Variants in FAM185A observed in about 807,000 individuals in gnomAD.
FAM185A encodes the protein protein FAM185A.
A neutral mutation model predicts 45.7 loss-of-function variants in FAM185A; 21 were observed. The observed-to-expected ratio is 0.46, with a 90% CI of 0.33 to 0.66. The LOEUF (loss-of-function observed/expected upper bound fraction) is 0.66, where lower values mean the gene tolerates loss of function less well. Ranked by LOEUF, FAM185A falls within the 30% of genes least tolerant of loss-of-function variation. The pLI, the probability that FAM185A is intolerant of heterozygous loss-of-function variation, is 0.03. For synonymous variants in FAM185A, 117 were observed against 194.0 expected, an observed-to-expected ratio of 0.60 and a Z score of 3.30; for missense variants, 305 against 485.4, an observed-to-expected ratio of 0.63 and a Z score of 3.49.
At chr7:102,840,200 A>G in the FAM185A span, among the ~76,000 whole-genome samples, 1 of 152,250 alleles carries the variant, frequency 6.6e-6, no homozygotes. Flanking sequence ...GACCAAAACA[A>G]AATGTCTTTG....
the FAM185A span, among the ~76,000 whole-genome samples, chr7:102,818,534 T>A: frequency 6.6e-6 from 1 of 152,188 alleles, no homozygotes; most frequent in African/African-American, 2.4e-5. Context: ...GCTTGAACCT[T>A]TCCATGAGCT....
chr7:102,770,028 A>C (rs914143659), intron 4 of FAM185A, among the ~76,000 whole-genome samples: 1 of 152,184 alleles, frequency 6.6e-6, no homozygotes, highest in Non-Finnish European at 1.5e-5. Flanking sequence ...GGAACGTTCA[A>C]ACCACAACAA....
chr7:102,755,866 G>C, intron 2 of FAM185A: 2 of 656,032 alleles, frequency 3.0e-6, no homozygotes, highest in Non-Finnish European at 2.7e-6. Context: ...AATGTCCTGG[G>C]TCCCAAGTCT....
At chr7:102,767,533 A>G (rs1794486086) in intron 4 of FAM185A, among the ~76,000 whole-genome samples, 1 of 151,362 alleles carries the variant, frequency 6.6e-6, no homozygotes, top group Non-Finnish European at 1.5e-5. Context: ...ATGTCTCTAT[A>G]TTCCTTCTCT....
intron 6 of FAM185A, among the ~76,000 whole-genome samples, chr7:102,780,537 A>AT (rs996321764): frequency 6.6e-6 from 1 of 152,124 alleles, no homozygotes; most frequent in African/African-American, 2.4e-5. Flanking sequence ...TTCTATTGTT[A>AT]TTTTTTGTTA....
intron 2 of FAM185A, among the ~76,000 whole-genome samples, chr7:102,757,484 G>A (rs796720207): frequency 6.6e-6 from 1 of 152,144 alleles, no homozygotes; most frequent in South Asian, 2.1e-4. Context: ...TGCCAAATAA[G>A]TGATAACTAT....
chr7:102,814,952 G>T, the FAM185A span, among the ~76,000 whole-genome samples: 1 of 152,040 alleles, frequency 6.6e-6, no homozygotes, highest in Admixed American at 6.6e-5. Context: ...TTCTCCTAAT[G>T]ATATTTCTCC....
At chr7:102,822,535 A>G in the FAM185A span, 1 of 473,680 alleles carries the variant, frequency 2.1e-6, no homozygotes, top group Non-Finnish European at 4.2e-6. Flanking sequence ...GACCTCTTCT[A>G]AATCTGTTTA....
chr7:102,779,572 T>G (rs1363950295), intron 6 of FAM185A: 1 of 152,224 alleles, frequency 6.6e-6, no homozygotes, highest in Admixed American at 6.5e-5. Flanking sequence ...AAAACGTGTC[T>G]TCTATTTATC....
intron 7 of FAM185A, among the ~76,000 whole-genome samples, chr7:102,788,856 C>T (rs533916505): frequency 1.3e-5 from 2 of 152,190 alleles, no homozygotes; most frequent in Admixed American, 1.3e-4. Flanking sequence ...AATTGTAACA[C>T]AATGGTATTT....
intron 5 of FAM185A, among the ~76,000 whole-genome samples, chr7:102,774,636 A>T (rs1794945485): frequency 6.6e-6 from 1 of 152,076 alleles, no homozygotes; most frequent in Non-Finnish European, 1.5e-5. Flanking sequence ...CTCTTTTTTT[A>T]CTTTCTTTGT....
chr7:102,847,617 C>T, the FAM185A span, among the ~76,000 whole-genome samples: 6 of 150,942 alleles, frequency 4.0e-5, no homozygotes, highest in African/African-American at 1.5e-4. Flanking sequence ...ACCTCTGCCT[C>T]CTGGGTTCCA....
At chr7:102,843,704 C>T in the FAM185A span, among the ~76,000 whole-genome samples, 94 of 151,992 alleles carry the variant, frequency 6.2e-4, no homozygotes, top group African/African-American at 2.1e-3. Context: ...TGAACCCAGG[C>T]GGCGGAGGTT....
At chr7:102,776,133 G>A (rs1795049631) in intron 5 of FAM185A, among the ~76,000 whole-genome samples, 1 of 69,654 alleles carries the variant, frequency 1.4e-5, no homozygotes, top group Non-Finnish European at 2.5e-5. Context: ...TTCTCTCTCT[G>A]TTTTGTAAAC....
At chr7:102,760,984 G>A (rs1266262693) in intron 3 of FAM185A, among the ~76,000 whole-genome samples, 1 of 152,004 alleles carries the variant, frequency 6.6e-6, no homozygotes, top group African/African-American at 2.4e-5. Context: ...TATCTAAAAG[G>A]AATAAATCTA....
At chr7:102,804,569 C>T (rs1201418628) in intron 7 of FAM185A, among the ~76,000 whole-genome samples, 2 of 152,196 alleles carry the variant, frequency 1.3e-5, no homozygotes, top group Non-Finnish European at 2.9e-5. Context: ...AGACCTGAAA[C>T]TGTAAAAATT....
the FAM185A span, among the ~76,000 whole-genome samples, chr7:102,848,555 C>CAAAAA: frequency 1.6e-3 from 3 of 1,828 alleles, 1 homozygote; most frequent in Admixed American, 8.5e-3. Flanking sequence ...GACTCCGTCT[C>CAAAAA]AAAAAAAAAA....
intron 2 of FAM185A, among the ~76,000 whole-genome samples, chr7:102,754,707 T>G (rs1215153796): frequency 7.9e-5 from 12 of 152,244 alleles, no homozygotes; most frequent in Non-Finnish European, 4.4e-5. Context: ...AAGCTCATGC[T>G]TTTTCCACCT....
At chr7:102,802,911 C>T (rs1389571147) in intron 7 of FAM185A, among the ~76,000 whole-genome samples, 6 of 151,980 alleles carry the variant, frequency 3.9e-5, no homozygotes, top group African/African-American at 9.7e-5. Context: ...AACACCTTTA[C>T]GCATATAAAC....
Sources: gnomAD v4.1 joint callset for allele counts (sites outside exome capture counted in the v4.1 genomes callset) on GRCh38, gnomAD v4.1.1 for gene constraint, MANE v1.5 for transcripts, NCBI Gene and HGNC (gene_info 2026-07-23, HGNC 2026-07-21) for gene names.